KIRREL3: variants seen among roughly 807,000 people sequenced by gnomAD.
KIRREL3 encodes kirre like nephrin family adhesion molecule 3.
Under a neutral mutation model 89.7 loss-of-function variants are expected in KIRREL3, and 36 were observed. The ratio of observed to expected loss-of-function variants is 0.40; its 90% CI spans 0.31 to 0.53. The LOEUF (loss-of-function observed/expected upper bound fraction) is 0.53, where lower values mean the gene tolerates loss of function less well. KIRREL3 is among the 20% of genes least tolerant of loss of function. The pLI, the probability that KIRREL3 is intolerant of heterozygous loss-of-function variation, is 0.49. For missense variants in KIRREL3, 864 were observed against 1,056.6 expected (o/e 0.82, Z 2.53); for synonymous variants, 445 against 441.4 (o/e 1.01, Z -0.10).
Position 126,821,351 on chromosome 11 carries a change from A to ATATATATATATATATATATATGTGTG in KIRREL3, c.55+179103_55+179104insCACACATATATATATATATATATATA, listed in dbSNP as rs756545626. On this transcript the variant is annotated intron_variant, in intron 1 of 16. Coordinates refer to ENST00000525144, the MANE Select transcript of KIRREL3 (RefSeq NM_032531.4). ...ACAGTATATATATATATATATATAT[A>ATATATATATATATATATATATGTGTG]TGTAACTTCCAACCAACATCCCTTC... 2.3e-4 allele frequency among the ~76,000 whole-genome samples: 24 copies of ATATATATATATATATATATATGTGTG among 105,246 alleles called. 1 individual carries two copies. The highest frequency in any genetic ancestry group is 5.3e-3 in the Middle Eastern group (1 of 188). The allele number at this position is 105,246 out of a possible 152,430, so 69.0% of individuals were successfully genotyped here. A position where few individuals can be genotyped will look rare whatever the true frequency, so the allele number is the denominator to read the frequency against.
Position 126,813,500 on chromosome 11 carries a change from A to AT in KIRREL3, c.55+186954dup, listed in dbSNP as rs527397482. 8.9e-4 allele frequency among the ~76,000 whole-genome samples: 135 copies of AT among 152,278 alleles called. 2 individuals carry two copies. Among genetic ancestry groups the AT allele is most frequent in the African/African-American group, 3.0e-3 (123 of 41,554 alleles). On this transcript the variant is annotated intron_variant, in intron 1 of 16. Transcript: ENST00000525144. ...TTCTGGACCAAAATATTACCTTGAG[A>AT]TTTTGTCCACCTGACATCCACTTCA... is the stretch of plus-strand genomic sequence containing the variant.
intron 1 of KIRREL3, among the ~76,000 whole-genome samples, chr11:126,875,211 G>C (rs1472983315): frequency 6.6e-6 from 1 of 152,066 alleles, no homozygotes; most frequent in African/African-American, 2.4e-5. Context: ...GTAGGCCATT[G>C]GCTCATTTTC....
chr11:126,490,573 C>T lies in KIRREL3; in HGVS notation c.434-17107G>A, dbSNP rs948539160. Reference sequence around the variant, plus strand: ...GACCTGGGAGCGACTCCTGGACTCCCGGTTCCAGGCTGCATGGCCTTGGAT... The same window carrying T: ...GACCTGGGAGCGACTCCTGGACTCCTGGTTCCAGGCTGCATGGCCTTGGAT... On this transcript the variant is annotated intron_variant, in intron 4 of 16. Coordinates refer to ENST00000525144, the MANE Select transcript of KIRREL3 (RefSeq NM_032531.4). The surrounding 1 kb of genome is among the most constrained non-coding windows in gnomAD (Gnocchi z 4.2). Among the ~76,000 whole-genome samples, 15 of 152,264 alleles carry T rather than the reference C, an allele frequency of 9.9e-5. No homozygotes were observed. Among genetic ancestry groups the T allele is most frequent in the Admixed American group, 6.5e-4 (10 of 15,292 alleles).
rs186059549 is a variant in KIRREL3 at position 126,750,791 on chromosome 11, T to C, written c.56-187879A>G. Among the ~76,000 whole-genome samples, 5 of 152,348 alleles carry C rather than the reference T, an allele frequency of 3.3e-5. No individual in the cohort carries two copies. The East Asian group carries it at 9.6e-4, about 29-fold the overall frequency. ...GATTGTCCAAGCTAACAAATGGTAG[T>C]GCAAACGTTGGAACTCAGGTCCTCA... On this transcript the variant is annotated intron_variant, in intron 1 of 16. Transcript: ENST00000525144. The surrounding 1 kb of genome is among the most constrained non-coding windows in gnomAD (Gnocchi z 4.2).
rs1033817108 is a variant in KIRREL3, at chr11:126,535,168, C to T, written c.134-8481G>A. ...GCTGGATGTCTTCCCCAGTTGTTTC[C>T]CCACCCTCCTCCATCGGGACTCCTC... On this transcript the variant is annotated intron_variant, in intron 2 of 16. Coordinates refer to ENST00000525144, the MANE Select transcript of KIRREL3 (RefSeq NM_032531.4). This position sits in a 1 kb window ranked among gnomAD's most constrained non-coding sequence, Gnocchi z 4.5. Among the ~76,000 whole-genome samples, 1 of 151,996 alleles carries T rather than the reference C, an allele frequency of 6.6e-6. No individual in the cohort carries two copies.
At chr11:127,000,874 A>C (rs1466934488), upstream of KIRREL3, 1 of 407,258 alleles carries the variant, frequency 2.5e-6, no homozygotes, top group Non-Finnish European at 4.3e-6. The surrounding 1 kb of genome is among the most constrained non-coding windows in gnomAD (Gnocchi z 7.1). Flanking sequence ...ACTGAAGCTG[A>C]GGCGAGGGGA....
intron 4 of KIRREL3, among the ~76,000 whole-genome samples, chr11:126,502,276 C>G (rs1268974652): frequency 6.6e-6 from 1 of 152,240 alleles, no homozygotes; most frequent in African/African-American, 2.4e-5. Context: ...ACTCACCGCA[C>G]TGGACCAGCA....
rs899544801 is a variant in KIRREL3 at position 126,647,996 on chromosome 11, A to C, written c.56-85084T>G. Among the ~76,000 whole-genome samples, 18 of 152,066 alleles carry C rather than the reference A, an allele frequency of 1.2e-4. No individual in the cohort carries two copies. Among genetic ancestry groups the C allele is most frequent in the African/African-American group, 4.3e-4 (18 of 41,408 alleles). Reference sequence around the variant, plus strand: ...AATGTCATGTCATATTGTAATCCCCAGTGTTGGAGGAGGGGCCTGGTAGGA... The same window carrying C: ...AATGTCATGTCATATTGTAATCCCCCGTGTTGGAGGAGGGGCCTGGTAGGA... On this transcript the variant is annotated intron_variant, in intron 1 of 16. Coordinates refer to ENST00000525144, the MANE Select transcript of KIRREL3 (RefSeq NM_032531.4). This position sits in a 1 kb window ranked among gnomAD's most constrained non-coding sequence, Gnocchi z 4.9.
chr11:126,911,706 G>T (rs1351129428), intron 1 of KIRREL3, among the ~76,000 whole-genome samples: 1 of 152,180 alleles, frequency 6.6e-6, no homozygotes, highest in Admixed American at 6.5e-5. Context: ...AACGGCATCC[G>T]GGCACGGTGG....
At chr11:126,630,070 C>T (rs987320630) in intron 1 of KIRREL3, among the ~76,000 whole-genome samples, 3 of 152,158 alleles carry the variant, frequency 2.0e-5, no homozygotes, top group Admixed American at 6.5e-5. Context: ...TCATGTTATT[C>T]CTGGGATCCT....
In KIRREL3 at chr11:126,623,175, C is replaced by T. The variant is rs929568203; in HGVS notation, c.56-60263G>A. ...TTTGTCTAAGGTGACAGAGCCCAAA[C>T]CCACTAACAGGACAGTTTTCTTCAC... On this transcript the variant is annotated intron_variant, in intron 1 of 16. Coordinates refer to ENST00000525144, the MANE Select transcript of KIRREL3 (RefSeq NM_032531.4). This position sits in a 1 kb window ranked among gnomAD's most constrained non-coding sequence, Gnocchi z 4.1. 1.3e-5 allele frequency among the ~76,000 whole-genome samples: 2 copies of T among 152,188 alleles called. No individual in the cohort carries two copies. Among genetic ancestry groups the T allele is most frequent in the Admixed American group, 1.3e-4 (2 of 15,280 alleles).
rs576971099 is a variant in KIRREL3 at position 126,763,411 on chromosome 11, C to T, written c.56-200499G>A. Among the ~76,000 whole-genome samples, 2 of 152,256 alleles carry T rather than the reference C, an allele frequency of 1.3e-5. No individual in the cohort carries two copies. The highest frequency in any genetic ancestry group is 3.9e-4 in the East Asian group (2 of 5,184). ...CTCAGCACCCAACAGTGCTCTGATG[C>T]AGGGGGAGAAGAGCAGGGAGAGGGC... is the stretch of plus-strand genomic sequence containing the variant. On this transcript the variant is annotated intron_variant, in intron 1 of 16. Transcript: ENST00000525144. The surrounding 1 kb of genome is among the most constrained non-coding windows in gnomAD (Gnocchi z 4.7).
chr11:126,971,483 A>C (rs563366683), intron 1 of KIRREL3, among the ~76,000 whole-genome samples: 5 of 152,260 alleles, frequency 3.3e-5, no homozygotes, highest in Admixed American at 1.3e-4. Context: ...CCAGGCTGTC[A>C]TTTGACCTTT....
At chr11:126,716,832 G>T (rs918766143) in intron 1 of KIRREL3, among the ~76,000 whole-genome samples, 1 of 151,990 alleles carries the variant, frequency 6.6e-6, no homozygotes, top group Non-Finnish European at 1.5e-5. Flanking sequence ...ATCTAGATGG[G>T]ATCCACCCAT....
rs887547434 is a variant in KIRREL3 at position 126,983,550 on chromosome 11, G to T, written c.55+16905C>A. On this transcript the variant is annotated intron_variant, in intron 1 of 16. Transcript: ENST00000525144. The surrounding 1 kb of genome is among the most constrained non-coding windows in gnomAD (Gnocchi z 4.9). ...GTTCCTTATGAGAAAGAAGCAGGTG[G>T]ATCAGAGTCAGTAGTAGGTGAGGTG... is the stretch of plus-strand genomic sequence containing the variant. Among the ~76,000 whole-genome samples the T allele has an allele frequency of 1.3e-5, 2 of 152,192 alleles. No individual in the cohort carries two copies. Among genetic ancestry groups the T allele is most frequent in the Non-Finnish European group, 1.5e-5 (1 of 68,038 alleles).
intron 1 of KIRREL3, among the ~76,000 whole-genome samples, chr11:126,619,885 C>T (rs991216253): frequency 1.3e-5 from 2 of 152,204 alleles, no homozygotes; most frequent in Non-Finnish European, 2.9e-5. Context: ...ACTGACCCAG[C>T]ACAGGCATGC....
chr11:126,639,926 A>G lies in KIRREL3; in HGVS notation c.56-77014T>C, dbSNP rs1944404927. ...TAGAAAGGCCACTTGCTTAATTGGG[A>G]ACACTTTAATATAGATATCCATTAA... is the stretch of plus-strand genomic sequence containing the variant. On this transcript the variant is annotated intron_variant, in intron 1 of 16. Coordinates refer to ENST00000525144, the MANE Select transcript of KIRREL3 (RefSeq NM_032531.4). The surrounding 1 kb of genome is among the most constrained non-coding windows in gnomAD (Gnocchi z 4.3). Among the ~76,000 whole-genome samples, 1 of 152,160 alleles carries G rather than the reference A, an allele frequency of 6.6e-6. No homozygotes were observed. Among genetic ancestry groups the G allele is most frequent in the African/African-American group, 2.4e-5 (1 of 41,434 alleles).
In KIRREL3 at chr11:126,860,578, A is replaced by G. The variant is rs1268293568; in HGVS notation, c.55+139877T>C. On this transcript the variant is annotated intron_variant, in intron 1 of 16. Coordinates refer to ENST00000525144, the MANE Select transcript of KIRREL3 (RefSeq NM_032531.4). This position sits in a 1 kb window ranked among gnomAD's most constrained non-coding sequence, Gnocchi z 4.6. ...CAGGCGGCGTGGAGGCAGAGGGGCC[A>G]GGCAGCCAAAGGCCTTGGATTAGGG... 6.6e-6 allele frequency among the ~76,000 whole-genome samples: 1 copy of G among 152,208 alleles called. No individual in the cohort carries two copies. Among genetic ancestry groups the G allele is most frequent in the Non-Finnish European group, 1.5e-5 (1 of 68,038 alleles).
At chr11:126,793,604 C>G (rs900371711) in intron 1 of KIRREL3, among the ~76,000 whole-genome samples, 1 of 152,106 alleles carries the variant, frequency 6.6e-6, no homozygotes, top group Non-Finnish European at 1.5e-5. Flanking sequence ...CACAGAGGAA[C>G]CAAGGCAAGG....
Sources: allele counts gnomAD v4.1 joint callset (sites outside exome capture counted in the v4.1 genomes callset), GRCh38; gene constraint gnomAD v4.1.1; non-coding constraint Gnocchi (gnomAD v3.1); transcripts MANE v1.5; gene names NCBI Gene and HGNC (gene_info 2026-07-23, HGNC 2026-07-21).